Variants in IQCH observed in about 807,000 individuals in gnomAD.
IQCH encodes the protein IQ domain-containing protein H.
Under a neutral mutation model 117.0 loss-of-function variants are expected in IQCH, and 98 were observed. That is an observed-to-expected ratio of 0.84 (90% confidence interval 0.71 to 0.99). The LOEUF is 0.99. IQCH is among the 50% of genes least tolerant of loss of function. The pLI, the probability that IQCH is intolerant of heterozygous loss-of-function variation, is 0.00. For missense variants in IQCH, 1,102 were observed against 1,243.8 expected, an observed-to-expected ratio of 0.89 and a Z score of 1.72; for synonymous variants, 412 against 448.2, an observed-to-expected ratio of 0.92 and a Z score of 1.02.
intron 16 of IQCH, among the ~76,000 whole-genome samples, chr15:67,455,797 A>G (rs552913707): frequency 2.3e-4 from 35 of 152,350 alleles, no homozygotes; most frequent in Non-Finnish European, 4.7e-4. Context: ...TAGCATGGAA[A>G]TTAAAGAGGG....
At chr15:67,288,491 A>G (rs1217877339) in intron 4 of IQCH, among the ~76,000 whole-genome samples, 1 of 152,128 alleles carries the variant, frequency 6.6e-6, no homozygotes, top group Non-Finnish European at 1.5e-5. Flanking sequence ...TAACCCATTT[A>G]TCATTATATA....
chr15:67,419,513 CT>C (rs1418865166), intron 15 of IQCH, among the ~76,000 whole-genome samples: 1 of 152,110 alleles, frequency 6.6e-6, no homozygotes, highest in Non-Finnish European at 1.5e-5. Flanking sequence ...GGTTTGATTT[CT>C]AAATTGTCAT....
Position 67,372,590 on chromosome 15 carries a change from T to C in IQCH, c.1233T>C (p.His411=). Residue 411 remains histidine (H), a synonymous_variant, in exon 9 of 21, where the codon CAT becomes CAC. Coordinates refer to ENST00000335894, the MANE Select transcript of IQCH (RefSeq NM_001031715.3). ...CCATTGCTTGGCTGTTATATTGCCA[T>C]AAGACTCGACTAAAGAAGATACTAA... The part of the protein sequence containing the change: ...VIAIAWLLYC[H]KTRLKKILKE... 6.2e-7 allele frequency: 1 copy of C among 1,614,026 alleles called. No individual in the cohort carries two copies. Among genetic ancestry groups the C allele is most frequent in the Non-Finnish European group, 8.5e-7 (1 of 1,179,956 alleles).
intron 4 of IQCH, among the ~76,000 whole-genome samples, chr15:67,326,682 TA>T (rs890886849): frequency 4.6e-5 from 7 of 152,142 alleles, no homozygotes; most frequent in African/African-American, 1.7e-4. Flanking sequence ...AGTTTTCAAT[TA>T]AAAAAATCCC....
At chr15:67,256,790 T>C (rs935443188) in intron 1 of IQCH, among the ~76,000 whole-genome samples, 1 of 152,174 alleles carries the variant, frequency 6.6e-6, no homozygotes, top group Non-Finnish European at 1.5e-5. Flanking sequence ...CCCCTACTTA[T>C]TTAAAAGGAT....
At position 67,430,092 on chromosome 15, in the gene IQCH, T is replaced by C. The variant is rs978089319; in HGVS notation, c.2505+8515T>C. Among the ~76,000 whole-genome samples the C allele has an allele frequency of 1.3e-5, 2 of 152,174 alleles. No individual in the cohort carries two copies. The highest frequency in any genetic ancestry group is 4.8e-5 in the African/African-American group (2 of 41,458). On this transcript the variant is annotated intron_variant, in intron 16 of 20. Coordinates refer to ENST00000335894, the MANE Select transcript of IQCH (RefSeq NM_001031715.3). The surrounding 1 kb of genome is among the most constrained non-coding windows in gnomAD (Gnocchi z 5.1). ...TGGTACCCTAGAAATGGGGAAATTC[T>C]AGGCCTTCAGAGATGGCACGCAGAG...
intron 3 of IQCH, among the ~76,000 whole-genome samples, chr15:67,269,303 C>T (rs1414054730): frequency 6.6e-6 from 1 of 152,136 alleles, no homozygotes; most frequent in Non-Finnish European, 1.5e-5. Context: ...TACTTTTATC[C>T]TGCTGGTAGA....
Position 67,308,434 on chromosome 15 carries a change from A to G in IQCH, c.388-28541A>G, listed in dbSNP as rs930133028. Among the ~76,000 whole-genome samples the G allele has an allele frequency of 2.2e-4, 33 of 152,144 alleles. 2 individuals carry two copies. Among genetic ancestry groups the G allele is most frequent in the Non-Finnish European group, 4.4e-5 (3 of 68,012 alleles). On this transcript the variant is annotated intron_variant, in intron 4 of 20. Coordinates refer to ENST00000335894, the MANE Select transcript of IQCH (RefSeq NM_001031715.3). ...GGTCCCCCTCCCTTTTCCCAGGAGC[A>G]TTTGGTAAATTAAATTAGTTGAACA...
rs1422692170 is a variant in IQCH, at chr15:67,321,465, CCTT to C, written c.388-15508_388-15506del. Among the ~76,000 whole-genome samples, 18 of 141,272 alleles carry C rather than the reference CCTT, an allele frequency of 1.3e-4. 2 individuals carry two copies. The highest frequency in any genetic ancestry group is 5.2e-4 in the East Asian group (2 of 3,872). The allele number at this position is 141,272 out of a possible 152,430, so 92.7% of individuals were successfully genotyped here. A position where few individuals can be genotyped will look rare whatever the true frequency, so the allele number is the denominator to read the frequency against. ...TTTTCTTTCTTTCCTTCCTTTCCTT[CCTT>C]CCTTCCTTTCTTTCTTTCTTTTTCT... On this transcript the variant is annotated intron_variant, in intron 4 of 20. Transcript: ENST00000335894.
intron 1 of IQCH, among the ~76,000 whole-genome samples, chr15:67,256,541 G>A (rs993444018): frequency 6.6e-6 from 1 of 152,176 alleles, no homozygotes; most frequent in African/African-American, 2.4e-5. Flanking sequence ...ACTTCTATCA[G>A]GCAGGACATC....
At chr15:67,478,166 C>T (rs922545312) in intron 18 of IQCH, among the ~76,000 whole-genome samples, 1 of 151,956 alleles carries the variant, frequency 6.6e-6, no homozygotes, top group Admixed American at 6.6e-5. Context: ...GGGTGGATCA[C>T]CTGAGGTCAG....
intron 4 of IQCH, among the ~76,000 whole-genome samples, chr15:67,287,381 A>G (rs1713124082): frequency 6.6e-6 from 1 of 152,148 alleles, no homozygotes; most frequent in Non-Finnish European, 1.5e-5. Context: ...AGAATTCAAC[A>G]GTGAGGTCAT....
chr15:67,475,757 T>C lies in IQCH; in HGVS notation c.2738T>C (p.Leu913Pro), dbSNP rs774259081. The C allele has an allele frequency of 1.2e-6, 2 of 1,614,144 alleles. No individual in the cohort carries two copies. The highest frequency in any genetic ancestry group is 3.3e-5 in the Admixed American group (2 of 60,020). ...CAGCTAAGACACAGCAATCTCTCAC[T>C]GGTTTTCCACTATGTTTTTCTCCAG... Reference protein sequence around the residue: ...TTQLRHSNLSLVFHYVFLQIC... With the variant: ...TTQLRHSNLSPVFHYVFLQIC... Residue 913 changes from leucine to proline, a missense_variant, in exon 18 of 21, where the codon CTG becomes CCG. Transcript: ENST00000335894. The surrounding 1 kb of genome is among the most constrained non-coding windows in gnomAD (Gnocchi z 5.7).
intron 18 of IQCH, among the ~76,000 whole-genome samples, chr15:67,482,943 C>T (rs759713087): frequency 2.0e-5 from 3 of 152,166 alleles, no homozygotes; most frequent in Non-Finnish European, 4.4e-5. Context: ...TAGACTCTTA[C>T]ATCTCTCACA....
rs145534548 is a variant in IQCH, at chr15:67,413,268, G to A, written c.2098-3663G>A. Among the ~76,000 whole-genome samples the A allele has an allele frequency of 1.3e-5, 2 of 152,244 alleles. No homozygotes were observed. The highest frequency in any genetic ancestry group is 4.8e-5 in the African/African-American group (2 of 41,530). ...AAACTGAGAGCTTGCATCTGACGTC[G>A]ATAGACCCATTGTGGCTGTTGGGAC... On this transcript the variant is annotated intron_variant, in intron 14 of 20. Transcript: ENST00000335894. This position sits in a 1 kb window ranked among gnomAD's most constrained non-coding sequence, Gnocchi z 5.0.
chr15:67,350,234 A>G (rs1301465949), intron 6 of IQCH, among the ~76,000 whole-genome samples: 1 of 152,170 alleles, frequency 6.6e-6, no homozygotes, highest in Non-Finnish European at 1.5e-5. Flanking sequence ...ATGAATCCCA[A>G]ATGCATTATG....
At position 67,406,914 on chromosome 15, in the gene IQCH, T is replaced by C. The variant is rs1350028600; in HGVS notation, c.2097+6609T>C. The C allele has an allele frequency of 1.3e-5, 2 of 152,264 alleles. No individual in the cohort carries two copies. Among genetic ancestry groups the C allele is most frequent in the Admixed American group, 6.5e-5 (1 of 15,288 alleles). 9.4% of individuals were successfully genotyped at this position (152,264 alleles called of 1,614,324 possible). A position where few individuals can be genotyped will look rare whatever the true frequency, so the allele number is the denominator to read the frequency against. ...AGACTTTAAGAAATGCTACCTATTA[T>C]TATTGTTGTTATTATTACCATAAAA... On this transcript the variant is annotated intron_variant, in intron 14 of 20. Coordinates refer to ENST00000335894, the MANE Select transcript of IQCH (RefSeq NM_001031715.3). The surrounding 1 kb of genome is among the most constrained non-coding windows in gnomAD (Gnocchi z 4.5).
intron 16 of IQCH, among the ~76,000 whole-genome samples, chr15:67,434,412 CCTT>C (rs1170982415): frequency 6.6e-6 from 1 of 152,102 alleles, no homozygotes; most frequent in African/African-American, 2.4e-5. Context: ...GACAGAATTT[CCTT>C]CTTTTTTAAG....
chr15:67,432,173 T>C lies in IQCH; in HGVS notation c.2505+10596T>C, dbSNP rs181153656. On this transcript the variant is annotated intron_variant, in intron 16 of 20. Transcript: ENST00000335894. This position sits in a 1 kb window ranked among gnomAD's most constrained non-coding sequence, Gnocchi z 5.0. ...AAGAAAATCCAAGCTTTAAGAAGAA[T>C]TGATATGAAAACTAGCTATTGGAGA... Among the ~76,000 whole-genome samples, 40 of 152,290 alleles carry C rather than the reference T, an allele frequency of 2.6e-4. 1 individual carries two copies. The highest frequency in any genetic ancestry group is 2.0e-3 in the Admixed American group (31 of 15,294).
Sources: allele counts gnomAD v4.1 joint callset (sites outside exome capture counted in the v4.1 genomes callset), GRCh38; gene constraint gnomAD v4.1.1; non-coding constraint Gnocchi (gnomAD v3.1); transcripts MANE v1.5; gene names NCBI Gene and HGNC (gene_info 2026-07-23, HGNC 2026-07-21).